Variants in POPDC2 observed in about 807,000 individuals in gnomAD.
POPDC2 encodes the protein popeye domain-containing protein 2.
A neutral mutation model predicts 30.5 loss-of-function variants in POPDC2; 24 were observed. That is an observed-to-expected ratio of 0.79 (90% confidence interval 0.57 to 1.11). The LOEUF (loss-of-function observed/expected upper bound fraction) is 1.11. Ranked by LOEUF, POPDC2 falls within the 50% of genes least tolerant of loss-of-function variation. POPDC2 has a pLI of 0.00. For synonymous variants in POPDC2, 185 were observed against 183.3 expected, an observed-to-expected ratio of 1.01 and a Z score of -0.07; for missense variants, 409 against 447.0, an observed-to-expected ratio of 0.91 and a Z score of 0.77.
Position 119,660,167 on chromosome 3 carries a change from A to G in POPDC2, c.257T>C (p.Val86Ala). ...DIVLWSFLLA[V>A]VCLLQLAHLV... ...GTGTGCCAGCTGGAGCAGGCAGACC[A>G]CAGCCAGCAGGAAGCTCCAAAGAAC... Residue 86 changes from valine to alanine, a missense_variant, in exon 1 of 4, where the codon GTG becomes GCG. By Grantham distance (64) the Val-to-Ala change is moderately conservative (BLOSUM62 0). Coordinates refer to ENST00000493094, the MANE Select transcript of POPDC2 (RefSeq NM_001369919.2). 6.2e-7 allele frequency: 1 copy of G among 1,614,208 alleles called. No homozygotes were observed. The highest frequency in any genetic ancestry group is 8.5e-7 in the Non-Finnish European group (1 of 1,180,020).
At position 119,659,964 on chromosome 3, in the gene POPDC2, T is replaced by A. The variant is rs2052922449; in HGVS notation, c.460A>T (p.Ile154Phe). 2 of 1,599,688 alleles carry A rather than the reference T, an allele frequency of 1.3e-6. No individual in the cohort carries two copies. The highest frequency in any genetic ancestry group is 1.7e-6 in the Non-Finnish European group (2 of 1,168,628). Residue 154 changes from isoleucine to phenylalanine, a missense_variant, in exon 1 of 4, where the codon ATC becomes TTC. By Grantham distance (21) the Ile-to-Phe change is conservative. Transcript: ENST00000493094. Reference protein sequence around the residue: ...QTYAVEGETPINRLSLLLSGR... With the variant: ...QTYAVEGETPFNRLSLLLSGR... ...GAGAGCAGCAGGGACAGGCGGTTGATGGGTGTCTCACCCTCCACAGCATAG... is the reference window on the plus strand; with the variant it reads ...GAGAGCAGCAGGGACAGGCGGTTGAAGGGTGTCTCACCCTCCACAGCATAG...
rs138230026 is a variant in POPDC2 at position 119,652,095 on chromosome 3, GAATTA to G, written c.600+2405_600+2409del. ...TACTCATCTCAGATGTTGGTTGAAT[GAATTA>G]AATGAGATAACCTATGTAAATAGGA... On this transcript the variant is annotated intron_variant, in intron 2 of 3. Coordinates refer to ENST00000493094, the MANE Select transcript of POPDC2 (RefSeq NM_001369919.2). Among the ~76,000 whole-genome samples the G allele has an allele frequency of 7.0e-3, 1,070 of 151,946 alleles. 81 individuals are homozygous for G. The East Asian group carries it at 0.17, about 24-fold the overall frequency.
intron 3 of POPDC2, among the ~76,000 whole-genome samples, chr3:119,645,618 T>C (rs2052737900): frequency 6.7e-6 from 1 of 149,898 alleles, no homozygotes; most frequent in African/African-American, 2.5e-5. Context: ...AAAAAAAATC[T>C]GCACTGTAAT....
In POPDC2 at chr3:119,660,496, C is replaced by T. The variant is rs2052930961; in HGVS notation, c.-73G>A. The T allele has an allele frequency of 2.0e-6, 3 of 1,505,668 alleles. No homozygotes were observed. The highest frequency in any genetic ancestry group is 4.2e-5 in the Admixed American group (2 of 48,052). 93.3% of individuals were successfully genotyped at this position (1,505,668 alleles called of 1,614,324 possible). On this transcript the variant is annotated 5_prime_UTR_variant, in exon 1 of 4. Transcript: ENST00000493094. ...TAGGAAATTCAGAAAATGAATGAAT[C>T]CATCCGCTCAGGGGTCTTCTCACCT...
chr3:119,659,930 T>G lies in POPDC2; in HGVS notation c.491+3A>C, dbSNP rs769698566. On this transcript the variant is annotated splice_donor_region_variant and intron_variant, in intron 1 of 3. Coordinates refer to ENST00000493094, the MANE Select transcript of POPDC2 (RefSeq NM_001369919.2). Reference sequence around the variant, plus strand: ...ATTCTGGGCAATGGATAGAGTAGCTTACCGGCCAGAGAGCAGCAGGGACAG... The same window carrying G: ...ATTCTGGGCAATGGATAGAGTAGCTGACCGGCCAGAGAGCAGCAGGGACAG... 5 of 1,578,812 alleles carry G rather than the reference T, an allele frequency of 3.2e-6. No homozygotes were observed. In the African/African-American group the frequency reaches 6.7e-5, roughly 21 times the overall value.
At chr3:119,645,767 G>A (rs1202716730) in intron 3 of POPDC2, among the ~76,000 whole-genome samples, 1 of 152,152 alleles carries the variant, frequency 6.6e-6, no homozygotes, top group Non-Finnish European at 1.5e-5. Flanking sequence ...AGTTCTTGCT[G>A]AAAGACACTC....
upstream of POPDC2, chr3:119,660,613 A>C: frequency 1.8e-6 from 1 of 568,430 alleles, no homozygotes; most frequent in Non-Finnish European, 3.0e-6. Context: ...CTTCATGGAG[A>C]ATTTAAAAAC....
Position 119,644,087 on chromosome 3 carries a change from T to C in POPDC2, c.*44-1526A>G, listed in dbSNP as rs111331350. ...ATAGTAAATAGTGTTTATTGAATCG[T>C]TTCTCTTGCCCTTGGTACTATGTCC... On this transcript the variant is annotated intron_variant, in intron 3 of 3. Transcript: ENST00000493094. Among the ~76,000 whole-genome samples, 1,521 of 152,312 alleles carry C rather than the reference T, an allele frequency of 1.0e-2. 25 individuals carry two copies. Among genetic ancestry groups the C allele is most frequent in the African/African-American group, 0.034 (1,412 of 41,572 alleles).
chr3:119,648,706 T>G, intron 2 of POPDC2, 38 bp from the exon 3 acceptor site: 3 of 1,536,322 alleles, frequency 2.0e-6, no homozygotes, highest in Non-Finnish European at 2.7e-6. Context: ...AAGTTTAAAC[T>G]AGAAAATTTG....
chr3:119,652,523 C>T (rs993155985), intron 2 of POPDC2, among the ~76,000 whole-genome samples: 1 of 152,216 alleles, frequency 6.6e-6, no homozygotes, highest in African/African-American at 2.4e-5. Flanking sequence ...ATGACCATAC[C>T]TACATTCCAG....
rs2052926930 is a variant in POPDC2, at chr3:119,660,236, C to T, written c.188G>A (p.Cys63Tyr). Residue 63 changes from cysteine to tyrosine, a missense_variant, in exon 1 of 4, where the codon TGC becomes TAC. Cys to Tyr is a radical substitution (Grantham distance 194). Transcript: ENST00000493094. ...LFGFLSAGYLCCVLWGWFSAC... is the reference protein window; with the variant it reads ...LFGFLSAGYLYCVLWGWFSAC... ...ACTGAACCAGCCCCACAGCACGCAG[C>T]ACAGGTAACCTGCACTCAGGAAGCC... is the stretch of plus-strand genomic sequence containing the variant. 1 of 1,614,222 alleles carries T rather than the reference C, an allele frequency of 6.2e-7. No individual in the cohort carries two copies. The highest frequency in any genetic ancestry group is 8.5e-7 in the Non-Finnish European group (1 of 1,180,050).
At chr3:119,655,346 C>T (rs2052867752) in intron 1 of POPDC2, among the ~76,000 whole-genome samples, 1 of 152,110 alleles carries the variant, frequency 6.6e-6, no homozygotes, top group African/African-American at 2.4e-5. Context: ...GAAAAGAATG[C>T]TGCTGCCTAT....
rs574441327 is a variant in POPDC2, at chr3:119,647,069, T to C, written c.*43+1050A>G. ...TTCCATATCTACAAAACTAAATCTC[T>C]AACCTTTCATCAGTCATCTCTATGG... On this transcript the variant is annotated intron_variant, in intron 3 of 3. Coordinates refer to ENST00000493094, the MANE Select transcript of POPDC2 (RefSeq NM_001369919.2). Among the ~76,000 whole-genome samples the C allele has an allele frequency of 8.5e-5, 13 of 152,356 alleles. No individual in the cohort carries two copies. The South Asian group carries it at 1.2e-3, about 15-fold the overall frequency.
chr3:119,643,834 C>T (rs2052716333), intron 3 of POPDC2, among the ~76,000 whole-genome samples: 1 of 152,176 alleles, frequency 6.6e-6, no homozygotes, highest in Non-Finnish European at 1.5e-5. Flanking sequence ...GTAACTCTCA[C>T]CACCCATGAG....
At chr3:119,648,749 T>C (rs2052775526) in intron 2 of POPDC2, 81 bp from the exon 3 acceptor site, 1 of 1,247,492 alleles carries the variant, frequency 8.0e-7, no homozygotes, top group Admixed American at 2.1e-5. Flanking sequence ...TTCAGTCACT[T>C]GGCAAACAGC....
intron 2 of POPDC2, among the ~76,000 whole-genome samples, chr3:119,654,075 G>C (rs1438601955): frequency 2.0e-5 from 3 of 152,068 alleles, no homozygotes; most frequent in African/African-American, 7.2e-5. Context: ...GCATTTCAGA[G>C]GGGAGAGTAG....
chr3:119,650,856 A>C (rs2052799762), intron 2 of POPDC2, among the ~76,000 whole-genome samples: 1 of 152,264 alleles, frequency 6.6e-6, no homozygotes, highest in African/African-American at 2.4e-5. Context: ...AAATGTCCAC[A>C]GATGATGCAA....
rs751336453 is a variant in POPDC2, at chr3:119,648,190, T to C, written c.1079A>G (p.Tyr360Cys). The change falls in exon 3 of 4, where the codon TAT (tyrosine) becomes TGT (cysteine). Residue 360 changes from tyrosine to cysteine, a missense_variant. Physicochemically the swap from Tyr to Cys is radical, Grantham distance 194 (BLOSUM62 -2). Transcript: ENST00000493094. ...CCTCATGTACTCCCCATCACTCCTATAATCCATAAACGATTCTGATCCTGA... is the reference window on the plus strand; with the variant it reads ...CCTCATGTACTCCCCATCACTCCTACAATCCATAAACGATTCTGATCCTGA... ...EVSGSESFMD[Y>C]RSDGEYMR 6.4e-7 allele frequency: 1 copy of C among 1,555,276 alleles called. No homozygotes were observed. The highest frequency in any genetic ancestry group is 1.2e-5 in the South Asian group (1 of 84,484).
chr3:119,658,543 T>A (rs1353429989), intron 1 of POPDC2, among the ~76,000 whole-genome samples: 1 of 152,196 alleles, frequency 6.6e-6, no homozygotes, highest in Non-Finnish European at 1.5e-5. Context: ...AGCTATAACA[T>A]CATGGGTCTC....
Sources: gnomAD v4.1 joint callset for allele counts (sites outside exome capture counted in the v4.1 genomes callset) on GRCh38, gnomAD v4.1.1 for gene constraint, MANE v1.5 for transcripts, NCBI Gene and HGNC (gene_info 2026-07-23, HGNC 2026-07-21) for gene names.